CCDC180: variants seen among roughly 807,000 people sequenced by gnomAD.
CCDC180 encodes coiled-coil domain-containing protein 180.
A neutral mutation model predicts 209.2 loss-of-function variants in CCDC180; 154 were observed. The observed-to-expected ratio is 0.74, with a 90% CI of 0.65 to 0.84. CCDC180 has a LOEUF of 0.84. Among genes scored for constraint, CCDC180 ranks in the 40% least tolerant of loss-of-function variants. CCDC180 has a pLI of 0.00. For missense variants in CCDC180, 1,874 were observed against 1,997.3 expected (o/e 0.94, Z 1.18); for synonymous variants, 778 against 749.1 (o/e 1.04, Z -0.63).
intron 4 of CCDC180, among the ~76,000 whole-genome samples, chr9:97,312,560 T>C (rs1298024820): frequency 6.6e-6 from 1 of 152,180 alleles, no homozygotes; most frequent in Non-Finnish European, 1.5e-5. Context: ...AAACCTTTTT[T>C]CTTTATGATT....
chr9:97,313,394 G>C lies in CCDC180; in HGVS notation c.459+49G>C, dbSNP rs559338405. On this transcript the variant is annotated intron_variant, in intron 5 of 36. Coordinates refer to ENST00000529487, the MANE Select transcript of CCDC180 (RefSeq NM_020893.6). Reference sequence around the variant, plus strand: ...TCTTCCCTTCCTGTGCCATTCCAAAGGTGGGTGTGTCATGGCTCCCAGCCT... The same window carrying C: ...TCTTCCCTTCCTGTGCCATTCCAAACGTGGGTGTGTCATGGCTCCCAGCCT... 2.2e-6 allele frequency: 3 copies of C among 1,386,948 alleles called. No individual in the cohort carries two copies. In the African/African-American group the frequency reaches 4.3e-5, roughly 20 times the overall value. 85.9% of individuals were successfully genotyped at this position (1,386,948 alleles called of 1,614,324 possible). A position where few individuals can be genotyped will look rare whatever the true frequency, so the allele number is the denominator to read the frequency against.
intron 15 of CCDC180, among the ~76,000 whole-genome samples, chr9:97,327,269 A>G (rs114082761): frequency 0.011 from 1,619 of 152,286 alleles, 44 homozygotes; most frequent in African/African-American, 0.037. Context: ...ATTCCTGCCC[A>G]CTTTTCCTTT....
At position 97,367,023 on chromosome 9, in the gene CCDC180, A is replaced by G. The variant is rs1337520344; in HGVS notation, c.4189+323A>G. ...AAAATTTACACATGTAGTGTACTCA[A>G]TGTGGTTTTTAGTTTATTTACAGAG... is the stretch of plus-strand genomic sequence containing the variant. On this transcript the variant is annotated intron_variant, in intron 31 of 36. Transcript: ENST00000529487. Among the ~76,000 whole-genome samples the G allele has an allele frequency of 3.3e-5, 5 of 152,318 alleles. No individual in the cohort carries two copies. The East Asian group carries it at 5.8e-4, about 18-fold the overall frequency.
rs1827227276 is a variant in CCDC180, at chr9:97,375,491, C to G, written c.4744C>G (p.Gln1582Glu). ...GATCAAACCCACCGAAGTCACCATC[C>G]AAAACAAGATTCTTCTCCAGCCAAC... is the stretch of plus-strand genomic sequence containing the variant. ...PGIKPTEVTI[Q>E]NKILLQPTSS... Residue 1582 changes from glutamine to glutamate, a missense_variant, in exon 36 of 37, where the codon CAA becomes GAA. Gln to Glu is a conservative substitution (Grantham distance 29). Coordinates refer to ENST00000529487, the MANE Select transcript of CCDC180 (RefSeq NM_020893.6). 1 of 1,614,182 alleles carries G rather than the reference C, an allele frequency of 6.2e-7. No homozygotes were observed. Among genetic ancestry groups the G allele is most frequent in the Non-Finnish European group, 8.5e-7 (1 of 1,180,048 alleles).
At chr9:97,361,986 TG>T in intron 27 of CCDC180, 88 bp downstream of exon 27, 1 of 1,477,046 alleles carries the variant, frequency 6.8e-7, no homozygotes. Context: ...CCCCACACAC[TG>T]GGGTTCCCAC....
chr9:97,331,045 T>A (rs1587800836), intron 18 of CCDC180, among the ~76,000 whole-genome samples: 1 of 124,510 alleles, frequency 8.0e-6, no homozygotes, highest in Admixed American at 7.7e-5. Context: ...ACCCAATAGT[T>A]GTTGTTTTTT....
chr9:97,318,638 G>A, intron 10 of CCDC180, 56 bp downstream of exon 10: 1 of 1,593,946 alleles, frequency 6.3e-7, no homozygotes, highest in Non-Finnish European at 8.5e-7. Context: ...AGTGAGGGAG[G>A]CAGAAGTGGC....
chr9:97,325,074 A>C lies in CCDC180; in HGVS notation c.1427A>C (p.Lys476Thr), dbSNP rs150163283. 3 of 1,613,950 alleles carry C rather than the reference A, an allele frequency of 1.9e-6. No individual in the cohort carries two copies. The highest frequency in any genetic ancestry group is 2.7e-5 in the African/African-American group (2 of 74,912). The stretch of plus-strand genomic sequence containing the variant: ...GAGTGGCAGAGTTCACACCTCTTCA[A>C]GTATTTCCAGGAGGTGGTACAACTG... ...QTEWQSSHLF[K>T]YFQEVVQLWE... The change falls in exon 14 of 37, where the codon AAG becomes ACG. Residue 476 changes from lysine to threonine, a missense_variant. Transcript: ENST00000529487.
Position 97,343,462 on chromosome 9 carries a change from C to A in CCDC180, c.2397C>A (p.Ser799=). The A allele has an allele frequency of 6.2e-7, 1 of 1,613,996 alleles. No individual in the cohort carries two copies. The highest frequency in any genetic ancestry group is 8.5e-7 in the Non-Finnish European group (1 of 1,179,948). The change falls in exon 19 of 37, where the codon TCC becomes TCA. Residue 799 remains serine, a synonymous_variant. Coordinates refer to ENST00000529487, the MANE Select transcript of CCDC180 (RefSeq NM_020893.6). ...TGGAAGAAGAGCATTGTAGGAAGTC[C>A]CATTCCACCTTCTCAGCCATGTTCA... The part of the protein sequence containing the change: ...VPLEEEHCRK[S]HSTFSAMFIN...
chr9:97,370,180 A>G, intron 32 of CCDC180, 98 bp downstream of exon 32: 1 of 1,360,888 alleles, frequency 7.3e-7, no homozygotes, highest in Non-Finnish European at 9.9e-7. Flanking sequence ...CCAAGGGAAG[A>G]AGGTGAGCTT....
At chr9:97,338,103 A>G (rs1311630785) in intron 18 of CCDC180, among the ~76,000 whole-genome samples, 1 of 152,124 alleles carries the variant, frequency 6.6e-6, no homozygotes, top group Non-Finnish European at 1.5e-5. Flanking sequence ...TGATCTTTTC[A>G]AAAAACCAGC....
rs771449044 is a variant in CCDC180, at chr9:97,361,946, G to A, written c.3656+48G>A. 1.9e-6 allele frequency: 3 copies of A among 1,589,092 alleles called. No homozygotes were observed. The East Asian group carries it at 6.8e-5, about 36-fold the overall frequency. ...TAAGGCTCTGCCACCCCTGCCCCTG[G>A]CCCTGGACCTTCAGGGACCAGCTTT... On this transcript the variant is annotated intron_variant, in intron 27 of 36. Coordinates refer to ENST00000529487, the MANE Select transcript of CCDC180 (RefSeq NM_020893.6).
chr9:97,311,945 T>C (rs3747505), intron 3 of CCDC180, among the ~76,000 whole-genome samples, 168 bp from the exon 4 acceptor site: 27,728 of 152,016 alleles, frequency 0.18, 3,673 homozygotes, highest in African/African-American at 0.37. Flanking sequence ...GCGGCGTTTG[T>C]TGGGAGCCTG....
chr9:97,310,354 T>C (rs898885987), intron 3 of CCDC180, among the ~76,000 whole-genome samples: 4 of 152,172 alleles, frequency 2.6e-5, no homozygotes, highest in African/African-American at 7.2e-5. Context: ...CTGAGAGCCC[T>C]TGGTCTCTGG....
chr9:97,361,156 CAG>C (rs563203950), intron 26 of CCDC180, among the ~76,000 whole-genome samples: 79 of 152,322 alleles, frequency 5.2e-4, no homozygotes, highest in Admixed American at 3.2e-3. Context: ...CAGAATGAAA[CAG>C]AGAACAGCCT....
At chr9:97,339,578 G>T (rs2118750700) in intron 18 of CCDC180, among the ~76,000 whole-genome samples, 1 of 152,244 alleles carries the variant, frequency 6.6e-6, no homozygotes, top group East Asian at 1.9e-4. Flanking sequence ...TTTCTCTCTG[G>T]CTGCTCTTGG....
At chr9:97,307,889 C>A in intron 1 of CCDC180, 83 bp downstream of exon 1, 1 of 1,596,386 alleles carries the variant, frequency 6.3e-7, no homozygotes, top group Non-Finnish European at 8.6e-7. Flanking sequence ...AGTCCTTCCC[C>A]GGGGAGTCCT....
chr9:97,355,747 G>A (rs780491467), intron 24 of CCDC180, among the ~76,000 whole-genome samples: 2 of 152,196 alleles, frequency 1.3e-5, no homozygotes, highest in Non-Finnish European at 2.9e-5. Flanking sequence ...AGGTGGCTGC[G>A]TGGGGATTGA....
intron 4 of CCDC180, among the ~76,000 whole-genome samples, 170 bp downstream of exon 4, chr9:97,312,371 C>T (rs1833018160): frequency 6.9e-6 from 1 of 144,558 alleles, no homozygotes. Context: ...AGCCAAGAGT[C>T]CTCCCCTGTG....
Sources: gnomAD v4.1 joint callset for allele counts (sites outside exome capture counted in the v4.1 genomes callset) on GRCh38, gnomAD v4.1.1 for gene constraint, MANE v1.5 for transcripts, NCBI Gene and HGNC (gene_info 2026-07-23, HGNC 2026-07-21) for gene names.